ADK: variants seen among roughly 807,000 people sequenced by gnomAD.
The protein encoded by ADK is N6,N6-dimethyladenosine kinase.
ADK carries 24 observed loss-of-function variants against 44.7 expected under a neutral mutation model. The ratio of observed to expected loss-of-function variants is 0.54; its 90% CI spans 0.39 to 0.76. ADK has a LOEUF of 0.76. ADK is among the 30% of genes least tolerant of loss of function. The pLI is 0.00. For missense variants in ADK, 321 were observed against 425.1 expected, an observed-to-expected ratio of 0.76 and a Z score of 2.15; for synonymous variants, 128 against 142.6, an observed-to-expected ratio of 0.90 and a Z score of 0.73.
At chr10:74,364,687 GGTGTGTGTGT>G (rs58295310) in intron 4 of ADK, among the ~76,000 whole-genome samples, 3,833 of 136,414 alleles carry the variant, frequency 0.028, 62 homozygotes, top group African/African-American at 0.032. Flanking sequence ...CAAAGGCTAT[GGTGTGTGTGT>G]GTGTGTGTGT....
chr10:74,513,821 G>A (rs10824195), intron 6 of ADK, among the ~76,000 whole-genome samples: 102,671 of 151,972 alleles, frequency 0.68, 35,679 homozygotes, highest in Middle Eastern at 0.84. Flanking sequence ...CTTTCTCTCA[G>A]TGTTATTTTT....
Position 74,410,671 on chromosome 10 carries a change from ACT to A in ADK, c.555+12095_555+12096del, listed in dbSNP as rs1466824605. 2.6e-5 allele frequency among the ~76,000 whole-genome samples: 4 copies of A among 152,212 alleles called. No homozygotes were observed. In the East Asian group the frequency reaches 5.8e-4, roughly 22 times the overall value. ...ACTCCAGCCTGGCTGACAGAGTGAG[ACT>A]CTGTCTGAAAACAAACAAACAAACA... On this transcript the variant is annotated intron_variant, in intron 6 of 10. Coordinates refer to ENST00000539909, the MANE Select transcript of ADK (RefSeq NM_006721.4).
intron 4 of ADK, among the ~76,000 whole-genome samples, chr10:74,353,626 T>A (rs187586679): frequency 0.013 from 1,897 of 151,160 alleles, 46 homozygotes; most frequent in African/African-American, 0.044. Context: ...CCCAGCACTT[T>A]GGGAGGCTGA....
chr10:74,250,432 C>T (rs1023361645), intron 3 of ADK, among the ~76,000 whole-genome samples: 1 of 152,108 alleles, frequency 6.6e-6, no homozygotes, highest in African/African-American at 2.4e-5. Context: ...GGGTAAAACA[C>T]TGGGTATGTC....
intron 4 of ADK, among the ~76,000 whole-genome samples, chr10:74,349,617 G>T (rs1841889952): frequency 6.6e-6 from 1 of 152,120 alleles, no homozygotes; most frequent in Non-Finnish European, 1.5e-5. Flanking sequence ...GACACGGACT[G>T]GCAAATTGGA....
chr10:74,493,552 C>G (rs1041824907), intron 6 of ADK, among the ~76,000 whole-genome samples: 14 of 150,160 alleles, frequency 9.3e-5, no homozygotes, highest in Non-Finnish European at 3.0e-5. Context: ...AGATATATAT[C>G]TCATCTGTAT....
chr10:74,334,844 G>A lies in ADK; in HGVS notation c.273+20099G>A, dbSNP rs925911120. Among the ~76,000 whole-genome samples, 3 of 152,254 alleles carry A rather than the reference G, an allele frequency of 2.0e-5. 1 individual carries two copies. In the Middle Eastern group the frequency reaches 0.01, roughly 518 times the overall value. ...GAGGGGAATTGCAGTCAAGGACCCA[G>A]CCATCCTCTTATACATATCTGCGTT... On this transcript the variant is annotated intron_variant, in intron 4 of 10. Transcript: ENST00000539909.
chr10:74,382,673 T>C (rs898382961), intron 4 of ADK, among the ~76,000 whole-genome samples: 3 of 152,154 alleles, frequency 2.0e-5, no homozygotes, highest in African/African-American at 7.2e-5. Flanking sequence ...TTTTTAAAAT[T>C]ATAAGATACA....
chr10:74,389,902 A>T (rs1010872957), intron 4 of ADK, among the ~76,000 whole-genome samples: 1 of 152,138 alleles, frequency 6.6e-6, no homozygotes, highest in South Asian at 2.1e-4. Flanking sequence ...GTGAGTTGAT[A>T]TAGCTCTTAT....
chr10:74,178,712 G>A (rs534063329), intron 1 of ADK, among the ~76,000 whole-genome samples: 108 of 152,304 alleles, frequency 7.1e-4, no homozygotes, highest in South Asian at 3.9e-3. Flanking sequence ...GTTTTGAAAG[G>A]ATGGATAACT....
intron 7 of ADK, among the ~76,000 whole-genome samples, chr10:74,543,220 A>T (rs1849710185): frequency 6.6e-6 from 1 of 151,632 alleles, no homozygotes; most frequent in African/African-American, 2.4e-5. Context: ...AAAAAAAAAA[A>T]AAAAACTGAG....
intron 3 of ADK, among the ~76,000 whole-genome samples, chr10:74,304,430 C>G (rs889421142): frequency 6.6e-6 from 1 of 152,060 alleles, no homozygotes; most frequent in African/African-American, 2.4e-5. Flanking sequence ...AGTATAAACA[C>G]CTTATTTCAT....
At chr10:74,443,208 T>C (rs1485108066) in intron 6 of ADK, among the ~76,000 whole-genome samples, 1 of 152,188 alleles carries the variant, frequency 6.6e-6, no homozygotes, top group Non-Finnish European at 1.5e-5. Flanking sequence ...TTCATGGATA[T>C]GTTAATTGGC....
At chr10:74,210,322 C>T (rs1843765523) in intron 2 of ADK, among the ~76,000 whole-genome samples, 1 of 104,222 alleles carries the variant, frequency 9.6e-6, no homozygotes. Context: ...AGTGAGACTC[C>T]ATCTCAGGAA....
At chr10:74,291,028 G>C (rs1277424888) in intron 3 of ADK, among the ~76,000 whole-genome samples, 1 of 152,114 alleles carries the variant, frequency 6.6e-6, no homozygotes, top group Non-Finnish European at 1.5e-5. Context: ...AATTTAAAAT[G>C]GAAAATGTTT....
chr10:74,567,675 C>T (rs988948912), intron 7 of ADK, among the ~76,000 whole-genome samples: 1 of 150,204 alleles, frequency 6.7e-6, no homozygotes, highest in Non-Finnish European at 1.5e-5. Flanking sequence ...TGTTCTCTCT[C>T]TCTCTGTTTT....
At chr10:74,275,992 C>G (rs1047704853) in intron 3 of ADK, among the ~76,000 whole-genome samples, 1 of 152,114 alleles carries the variant, frequency 6.6e-6, no homozygotes, top group Non-Finnish European at 1.5e-5. Context: ...TTTCAACCAG[C>G]TTTAGAGGCT....
chr10:74,583,704 CATA>C (rs976865821), intron 7 of ADK, among the ~76,000 whole-genome samples: 15 of 152,130 alleles, frequency 9.9e-5, no homozygotes, highest in African/African-American at 3.6e-4. Flanking sequence ...TTTTTATTAA[CATA>C]ATTTGAATGT....
At chr10:74,299,031 G>A (rs1490564528) in intron 3 of ADK, among the ~76,000 whole-genome samples, 1 of 152,194 alleles carries the variant, frequency 6.6e-6, no homozygotes, top group Non-Finnish European at 1.5e-5. Context: ...ACACTGATCA[G>A]TTATTCAAAG....
Sources: allele counts gnomAD v4.1 joint callset (sites outside exome capture counted in the v4.1 genomes callset), GRCh38; gene constraint gnomAD v4.1.1; transcripts MANE v1.5; gene names NCBI Gene and HGNC (gene_info 2026-07-23, HGNC 2026-07-21).